SMAD4: variants seen among roughly 807,000 people sequenced by gnomAD.
SMAD4 encodes SMAD family member 4.
In SMAD4, 7 loss-of-function variants were observed where a neutral mutation model predicts 63.2. That is an observed-to-expected ratio of 0.11 (90% CI 0.06 to 0.21). The LOEUF (loss-of-function observed/expected upper bound fraction) is 0.21, where lower values mean the gene tolerates loss of function less well. SMAD4 is among the 10% of genes least tolerant of loss of function. The pLI, the probability that SMAD4 is intolerant of heterozygous loss-of-function variation, is 1.00. For synonymous variants in SMAD4, 215 were observed against 235.4 expected (o/e 0.91, Z 0.79); for missense variants, 312 against 693.8 (o/e 0.45, Z 6.18).
chr18:51,076,255 C>T (rs974907935), intron 10 of SMAD4, among the ~76,000 whole-genome samples: 2 of 152,100 alleles, frequency 1.3e-5, no homozygotes, highest in African/African-American at 2.4e-5. Flanking sequence ...GTTGGCCAGG[C>T]GACCAAAGCT....
intron 1 of SMAD4, among the ~76,000 whole-genome samples, chr18:51,042,397 C>T (rs1358023936): frequency 6.8e-6 from 1 of 146,258 alleles, no homozygotes; most frequent in Non-Finnish European, 1.5e-5. Flanking sequence ...CCCTCCCTTA[C>T]TTCAGGCTCT....
intron 10 of SMAD4, among the ~76,000 whole-genome samples, chr18:51,073,499 A>G (rs968471601): frequency 1.3e-5 from 2 of 150,946 alleles, no homozygotes; most frequent in Admixed American, 6.6e-5. Flanking sequence ...ACACAAAACT[A>G]TAAAACTTCT....
chr18:51,057,988 A>G (rs184129432), intron 5 of SMAD4, 137 bp from the exon 6 acceptor site: 53 of 960,054 alleles, frequency 5.5e-5, no homozygotes, highest in Admixed American at 8.2e-5. Flanking sequence ...TTTACCTGAT[A>G]GGCCATGGGT....
intron 1 of SMAD4, among the ~76,000 whole-genome samples, chr18:51,033,438 C>T (rs953592248): frequency 1.3e-5 from 2 of 152,222 alleles, no homozygotes; most frequent in African/African-American, 4.8e-5. Context: ...GATCCGCCCG[C>T]CTTGGCCTCC....
In SMAD4 at chr18:51,078,392, C is replaced by T; in HGVS notation, c.1584C>T (p.His528=). The T allele has an allele frequency of 6.2e-7, 1 of 1,614,236 alleles. No homozygotes were observed. The highest frequency in any genetic ancestry group is 8.5e-7 in the Non-Finnish European group (1 of 1,180,036). Residue 528 remains histidine (H), a synonymous_variant, in exon 12 of 12, where the codon CAC becomes CAT. Transcript: ENST00000342988. The part of the protein sequence containing the change: ...IKETPCWIEI[H]LHRALQLLDE... The stretch of plus-strand genomic sequence containing the variant: ...AAACACCTTGCTGGATTGAAATTCA[C>T]TTACACCGGGCCCTCCAGCTCCTAG...
At chr18:51,059,607 A>T (rs1254824131) in intron 7 of SMAD4, among the ~76,000 whole-genome samples, 2 of 152,222 alleles carry the variant, frequency 1.3e-5, no homozygotes, top group African/African-American at 4.8e-5. Context: ...TAAATGTTGG[A>T]TATAAAATTA....
chr18:51,051,056 A>G (rs1568204048), intron 4 of SMAD4: 1 of 161,044 alleles, frequency 6.2e-6, no homozygotes, highest in African/African-American at 2.4e-5. Flanking sequence ...CACGTTTCAT[A>G]TCTTCACCAT....
intron 10 of SMAD4, among the ~76,000 whole-genome samples, chr18:51,074,348 T>TAAC (rs569782475): frequency 1.3e-5 from 2 of 151,956 alleles, no homozygotes; most frequent in East Asian, 1.9e-4. Context: ...GACCCCATCT[T>TAAC]AACAACAACA....
intron 4 of SMAD4, among the ~76,000 whole-genome samples, chr18:51,051,648 T>G (rs1909716730): frequency 6.6e-6 from 1 of 152,108 alleles, no homozygotes; most frequent in South Asian, 2.1e-4. Context: ...TATACTCTAG[T>G]GGAGGAGAGA....
chr18:51,079,925 G>A lies in SMAD4; in HGVS notation c.*1458G>A, dbSNP rs1004481168. Reference sequence around the variant, plus strand: ...TTGTTTTTTTCCCTCACACTCTACCGGGACTTCCCCATGGACATTGTGTAT... The same window carrying A: ...TTGTTTTTTTCCCTCACACTCTACCAGGACTTCCCCATGGACATTGTGTAT... On this transcript the variant is annotated 3_prime_UTR_variant, in exon 12 of 12. Coordinates refer to ENST00000342988, the MANE Select transcript of SMAD4 (RefSeq NM_005359.6). The A allele has an allele frequency of 1.3e-5, 3 of 231,628 alleles. No individual in the cohort carries two copies. The highest frequency in any genetic ancestry group is 5.7e-5 in the Admixed American group (1 of 17,682). The allele number at this position is 231,628 out of a possible 1,614,324, so 14.3% of individuals were successfully genotyped here. A position where few individuals can be genotyped will look rare whatever the true frequency, so the allele number is the denominator to read the frequency against.
chr18:51,051,272 T>G, intron 4 of SMAD4: 1 of 422,020 alleles, frequency 2.4e-6, no homozygotes, highest in African/African-American at 2.1e-5. Flanking sequence ...CTTTCTATAG[T>G]GACTGTAGGG....
intron 10 of SMAD4, among the ~76,000 whole-genome samples, chr18:51,073,873 T>C (rs1283981371): frequency 6.6e-6 from 1 of 152,070 alleles, no homozygotes; most frequent in Non-Finnish European, 1.5e-5. Context: ...ATCAAAGGCA[T>C]GATCCATAAA....
chr18:51,051,196 C>T (rs1909701272), intron 4 of SMAD4: 1 of 321,922 alleles, frequency 3.1e-6, no homozygotes, highest in African/African-American at 2.2e-5. Context: ...GAGTGCTCAT[C>T]ACACACCTCC....
intron 9 of SMAD4, among the ~76,000 whole-genome samples, chr18:51,066,640 A>G (rs1441482598): frequency 1.3e-5 from 2 of 152,228 alleles, no homozygotes; most frequent in Admixed American, 1.3e-4. Context: ...AGCTCACTTG[A>G]TTGACTAATC....
chr18:51,075,565 C>G (rs1273680910), intron 10 of SMAD4, among the ~76,000 whole-genome samples: 1 of 152,000 alleles, frequency 6.6e-6, no homozygotes, highest in Non-Finnish European at 1.5e-5. Context: ...TGTAATCTTC[C>G]AATGCTTTTT....
intron 11 of SMAD4, 102 bp downstream of exon 11, chr18:51,076,878 T>C: frequency 1.1e-6 from 1 of 895,314 alleles, no homozygotes; most frequent in Non-Finnish European, 1.6e-6. Flanking sequence ...GAAATTAAAG[T>C]TTTTTTTTAC....
intron 4 of SMAD4, among the ~76,000 whole-genome samples, chr18:51,050,878 T>C (rs1909691753): frequency 6.6e-6 from 1 of 152,056 alleles, no homozygotes; most frequent in African/African-American, 2.4e-5. Context: ...GAAGACTCAC[T>C]GCCTTGTGGT....
rs374306389 is a variant in SMAD4, at chr18:51,084,155, CATT to C, written c.*5691_*5693del. The C allele has an allele frequency of 0.022, 5,075 of 230,412 alleles. 283 individuals are homozygous for C. The highest frequency in any genetic ancestry group is 0.1 in the African/African-American group (4,614 of 45,088). 14.3% of individuals were successfully genotyped at this position (230,412 alleles called of 1,614,324 possible). Reference sequence around the variant, plus strand: ...GTTTATTAAGGCTTTCGAGTCATGACATTATAGCTTTTGAGTTGGTGTGTGTGA... The same window carrying C: ...GTTTATTAAGGCTTTCGAGTCATGACATAGCTTTTGAGTTGGTGTGTGTGA... On this transcript the variant is annotated 3_prime_UTR_variant, in exon 12 of 12. Coordinates refer to ENST00000342988, the MANE Select transcript of SMAD4 (RefSeq NM_005359.6).
At chr18:51,032,239 G>T (rs555950457) in intron 1 of SMAD4, among the ~76,000 whole-genome samples, 44 of 152,218 alleles carry the variant, frequency 2.9e-4, no homozygotes, top group Non-Finnish European at 5.4e-4. Flanking sequence ...TGCTTTCCAG[G>T]TTTTTGGGCG....
Sources: gnomAD v4.1 joint callset for allele counts (sites outside exome capture counted in the v4.1 genomes callset) on GRCh38, gnomAD v4.1.1 for gene constraint, MANE v1.5 for transcripts, NCBI Gene and HGNC (gene_info 2026-07-23, HGNC 2026-07-21) for gene names.